Variants in LEPR observed in about 807,000 individuals in gnomAD.
LEPR encodes the protein leptin receptor.
A neutral mutation model predicts 114.7 loss-of-function variants in LEPR; 56 were observed. The observed-to-expected ratio is 0.49, with a 90% CI of 0.39 to 0.61. The LOEUF (loss-of-function observed/expected upper bound fraction) is 0.61, where lower values mean the gene tolerates loss of function less well. LEPR is among the 20% of genes least tolerant of loss of function. The probability of loss-of-function intolerance (pLI) is 0.00; values close to 1 mark genes in which losing one functional copy is unlikely to be tolerated. For synonymous variants in LEPR, 443 were observed against 461.4 expected, an observed-to-expected ratio of 0.96 and a Z score of 0.51; for missense variants, 1,202 against 1,352.9, an observed-to-expected ratio of 0.89 and a Z score of 1.75.
At chr1:65,448,118 C>T (rs1176799707) in intron 2 of LEPR, among the ~76,000 whole-genome samples, 1 of 152,156 alleles carries the variant, frequency 6.6e-6, no homozygotes, top group Non-Finnish European at 1.5e-5. Context: ...GAGAAAGCCT[C>T]ATGCTTCTTA....
intron 19 of LEPR, among the ~76,000 whole-genome samples, chr1:65,626,665 C>T (rs552225930): frequency 2.9e-4 from 44 of 152,204 alleles, no homozygotes; most frequent in Admixed American, 2.6e-3. Flanking sequence ...CTTTTTGAGA[C>T]AGGGTCTCGC....
At chr1:65,462,924 A>AT (rs1358179465) in intron 2 of LEPR, among the ~76,000 whole-genome samples, 2 of 151,936 alleles carry the variant, frequency 1.3e-5, no homozygotes, top group African/African-American at 4.8e-5. Flanking sequence ...GATTGCAAAG[A>AT]TTTTCTCCCA....
At chr1:65,468,308 G>T (rs1434616904) in intron 2 of LEPR, among the ~76,000 whole-genome samples, 2 of 152,286 alleles carry the variant, frequency 1.3e-5, no homozygotes, top group Middle Eastern at 3.4e-3. Flanking sequence ...AACAACTAAA[G>T]AAATCTGAGT....
In LEPR at chr1:65,511,429, TACACACACAC is replaced by T. The variant is rs5774756; in HGVS notation, c.-20-54084_-20-54075del. 9.0e-3 allele frequency among the ~76,000 whole-genome samples: 1,325 copies of T among 147,698 alleles called. 27 individuals carry two copies. The highest frequency in any genetic ancestry group is 0.03 in the African/African-American group (1,214 of 40,320). ...GCTCTAGTGTTCATATATATATGTA[TACACACACAC>T]ACACACACACACACACACACACACA... On this transcript the variant is annotated intron_variant, in intron 2 of 19. Coordinates refer to ENST00000349533, the MANE Select transcript of LEPR (RefSeq NM_002303.6).
At chr1:65,635,334 G>A in intron 19 of LEPR, 2 of 983,526 alleles carry the variant, frequency 2.0e-6, no homozygotes, top group East Asian at 1.1e-4. Flanking sequence ...TACATTGTAT[G>A]AATTGAGCTT....
intron 2 of LEPR, among the ~76,000 whole-genome samples, chr1:65,464,816 T>C (rs983060464): frequency 1.3e-5 from 2 of 152,166 alleles, no homozygotes; most frequent in African/African-American, 2.4e-5. Context: ...TATTTGCATA[T>C]AGATGTTTAT....
chr1:65,420,666 G>T, upstream of LEPR: 1 of 1,554,478 alleles, frequency 6.4e-7, no homozygotes, highest in East Asian at 2.4e-5. Flanking sequence ...TCTGGCTTGG[G>T]CAGGCTGCCC....
Position 65,620,375 on chromosome 1 carries a change from T to TA in LEPR, c.2491+359dup, listed in dbSNP as rs543719679. Among the ~76,000 whole-genome samples, 10 of 152,272 alleles carry TA rather than the reference T, an allele frequency of 6.6e-5. No individual in the cohort carries two copies. In the East Asian group the frequency reaches 1.3e-3, roughly 21 times the overall value. ...CATTTGTTGTTAGAATAAAAATCAT[T>TA]AAAAAAATTCATACATGTATTATCC... On this transcript the variant is annotated intron_variant, in intron 17 of 19. Transcript: ENST00000349533.
intron 2 of LEPR, among the ~76,000 whole-genome samples, chr1:65,441,815 A>G (rs896059272): frequency 6.6e-6 from 1 of 152,198 alleles, no homozygotes; most frequent in African/African-American, 2.4e-5. Flanking sequence ...TGACAGCCTA[A>G]GAATTTTTGA....
At chr1:65,574,965 C>A (rs964938473) in intron 5 of LEPR, among the ~76,000 whole-genome samples, 6 of 152,138 alleles carry the variant, frequency 3.9e-5, no homozygotes, top group Non-Finnish European at 8.8e-5. Flanking sequence ...CCCGGAAGAG[C>A]TGATCTTTAT....
intron 6 of LEPR, among the ~76,000 whole-genome samples, chr1:65,595,177 G>T (rs74837371): frequency 1.3e-5 from 2 of 151,674 alleles, no homozygotes; most frequent in South Asian, 2.1e-4. Context: ...TGCTGCAGGG[G>T]TGGCATTAGC....
intron 2 of LEPR, among the ~76,000 whole-genome samples, chr1:65,550,637 TCTC>T (rs1181283155): frequency 6.6e-6 from 1 of 152,110 alleles, no homozygotes; most frequent in East Asian, 1.9e-4. Context: ...GGGCTATAAT[TCTC>T]CTGGTGCGCC....
chr1:65,452,122 T>A (rs1646794491), intron 2 of LEPR, among the ~76,000 whole-genome samples: 1 of 152,144 alleles, frequency 6.6e-6, no homozygotes, highest in African/African-American at 2.4e-5. Context: ...TTTTGTACAT[T>A]GATTTTGTAT....
intron 19 of LEPR, among the ~76,000 whole-genome samples, chr1:65,629,814 C>T (rs755921344): frequency 1.3e-5 from 2 of 151,976 alleles, no homozygotes; most frequent in Non-Finnish European, 2.9e-5. Context: ...CTAGTGGACT[C>T]TCCAGGAACT....
chr1:65,565,745 T>G, intron 3 of LEPR, 140 bp downstream of exon 3: 1 of 1,177,036 alleles, frequency 8.5e-7, no homozygotes, highest in South Asian at 1.3e-5. Context: ...TGATTAAAAA[T>G]GCAAACCATA....
At chr1:65,504,186 C>T (rs933349805) in intron 2 of LEPR, among the ~76,000 whole-genome samples, 1 of 152,064 alleles carries the variant, frequency 6.6e-6, no homozygotes, top group Non-Finnish European at 1.5e-5. Context: ...AATAAACAGT[C>T]GAGTAAGTAA....
At chr1:65,632,393 G>A (rs1432474261) in intron 19 of LEPR, among the ~76,000 whole-genome samples, 1 of 152,082 alleles carries the variant, frequency 6.6e-6, no homozygotes, top group Non-Finnish European at 1.5e-5. Context: ...ATAGCCCTCA[G>A]GTTATGAGGA....
intron 2 of LEPR, among the ~76,000 whole-genome samples, chr1:65,546,369 A>C (rs184211364): frequency 2.6e-5 from 4 of 152,150 alleles, no homozygotes; most frequent in East Asian, 1.9e-4. Flanking sequence ...CTTGATGCGG[A>C]TGGCATTGAA....
chr1:65,604,794 G>A (rs377756458), intron 10 of LEPR, among the ~76,000 whole-genome samples: 1 of 152,178 alleles, frequency 6.6e-6, no homozygotes, highest in African/African-American at 2.4e-5. Flanking sequence ...GAACCCTATT[G>A]TGAACTGGGC....
Sources: allele counts gnomAD v4.1 joint callset (sites outside exome capture counted in the v4.1 genomes callset), GRCh38; gene constraint gnomAD v4.1.1; transcripts MANE v1.5; gene names NCBI Gene and HGNC (gene_info 2026-07-23, HGNC 2026-07-21).